Variants in HS3ST5 observed in about 807,000 individuals in gnomAD.
The protein encoded by HS3ST5 is heparan sulfate-glucosamine 3-sulfotransferase 5.
Under a neutral mutation model 25.4 loss-of-function variants are expected in HS3ST5, and 10 were observed. The ratio of observed to expected loss-of-function variants is 0.39; its 90% CI spans 0.24 to 0.67. The LOEUF (loss-of-function observed/expected upper bound fraction) is 0.67. Among genes scored for constraint, HS3ST5 ranks in the 30% least tolerant of loss-of-function variants. The pLI, the probability that HS3ST5 is intolerant of heterozygous loss-of-function variation, is 0.44. For missense variants in HS3ST5, 324 were observed against 420.7 expected (o/e 0.77, Z 2.01); for synonymous variants, 170 against 162.4 (o/e 1.05, Z -0.36).
At chr6:114,209,493 AGTATT>A (rs1781423863) in intron 2 of HS3ST5, among the ~76,000 whole-genome samples, 1 of 151,544 alleles carries the variant, frequency 6.6e-6, no homozygotes, top group Non-Finnish European at 1.5e-5. Flanking sequence ...TTTTCTATTG[AGTATT>A]GCTTATCTTC....
Position 114,057,770 on chromosome 6 carries a change from G to A in HS3ST5, c.528C>T (p.Ile176=), listed in dbSNP as rs778244737. 3.1e-6 allele frequency: 5 copies of A among 1,614,146 alleles called. No individual in the cohort carries two copies. The highest frequency in any genetic ancestry group is 4.2e-6 in the Non-Finnish European group (5 of 1,180,026). ...GCTCCCTGACAATGATCAACAACTT[G>A]ATGGATGAGTTCATTTTGTAAATCC... ...PERIYKMNSS[I]KLLIIVREPT... is the part of the protein sequence containing the mutation. The change falls in exon 5 of 5, where the codon ATC becomes ATT. Residue 176 remains isoleucine (I), a synonymous_variant. Coordinates refer to ENST00000312719, the MANE Select transcript of HS3ST5 (RefSeq NM_153612.4).
chr6:114,259,542 A>G, intron 1 of HS3ST5, among the ~76,000 whole-genome samples: 1 of 152,232 alleles, frequency 6.6e-6, no homozygotes, highest in East Asian at 1.9e-4. Context: ...AGCAAACGAG[A>G]GGACACGTGT....
intron 3 of HS3ST5, chr6:114,142,950 T>G (rs1229677998): frequency 6.6e-6 from 1 of 152,244 alleles, no homozygotes; most frequent in Non-Finnish European, 1.5e-5. Context: ...TGTTCAGGCT[T>G]TTGGAGAAGA....
chr6:114,205,139 C>A (rs1415218136), intron 2 of HS3ST5, among the ~76,000 whole-genome samples: 1 of 152,000 alleles, frequency 6.6e-6, no homozygotes, highest in Non-Finnish European at 1.5e-5. Context: ...ACGTAGAATT[C>A]GTGCAGATCC....
intron 2 of HS3ST5, among the ~76,000 whole-genome samples, chr6:114,228,023 T>A (rs1285890265): frequency 6.6e-6 from 1 of 152,120 alleles, no homozygotes; most frequent in Non-Finnish European, 1.5e-5. Flanking sequence ...CCTTATTTAT[T>A]CTTATGACTA....
At chr6:114,183,444 C>A (rs998741625) in intron 2 of HS3ST5, among the ~76,000 whole-genome samples, 5 of 152,160 alleles carry the variant, frequency 3.3e-5, no homozygotes, top group African/African-American at 1.2e-4. Flanking sequence ...ATCTATTAAA[C>A]CTCTTTCTTT....
At chr6:114,101,532 C>A (rs1396962234) in intron 3 of HS3ST5, among the ~76,000 whole-genome samples, 1 of 152,050 alleles carries the variant, frequency 6.6e-6, no homozygotes, top group Non-Finnish European at 1.5e-5. Context: ...AAAATATTTT[C>A]AATAAAGAAA....
chr6:114,098,284 C>T (rs603838), intron 3 of HS3ST5, among the ~76,000 whole-genome samples: 151,660 of 151,908 alleles, frequency 1, 75,707 homozygotes, highest in Non-Finnish European at 1. Flanking sequence ...AACCTTCAAC[C>T]TGGTAACTGA....
intron 1 of HS3ST5, among the ~76,000 whole-genome samples, chr6:114,250,859 A>G (rs1210862300): frequency 1.3e-5 from 2 of 152,234 alleles, no homozygotes; most frequent in Admixed American, 1.3e-4. Context: ...AAAAAATTTC[A>G]CTTGCTTACT....
intron 1 of HS3ST5, among the ~76,000 whole-genome samples, chr6:114,298,350 G>A (rs974480661): frequency 6.6e-6 from 1 of 152,160 alleles, no homozygotes; most frequent in Non-Finnish European, 1.5e-5. Flanking sequence ...ATTTTCCACA[G>A]ATACACTAAT....
intron 2 of HS3ST5, among the ~76,000 whole-genome samples, chr6:114,213,338 G>A (rs78132560): frequency 0.062 from 9,143 of 146,914 alleles, 381 homozygotes; most frequent in Non-Finnish European, 0.072. Context: ...ACAGGATGGC[G>A]GCGGGGGTGG....
At chr6:114,322,121 G>A (rs1254907584) in intron 1 of HS3ST5, among the ~76,000 whole-genome samples, 2 of 152,030 alleles carry the variant, frequency 1.3e-5, no homozygotes, top group African/African-American at 2.4e-5. Context: ...AGAATTTTTA[G>A]CCTTTCAGAA....
intron 3 of HS3ST5, among the ~76,000 whole-genome samples, chr6:114,150,508 G>A (rs1407490495): frequency 6.6e-6 from 1 of 152,182 alleles, no homozygotes; most frequent in African/African-American, 2.4e-5. Flanking sequence ...CCTTTACAGA[G>A]AAGAGAATCT....
chr6:114,181,379 C>T (rs559485166), intron 2 of HS3ST5, among the ~76,000 whole-genome samples: 1 of 152,182 alleles, frequency 6.6e-6, no homozygotes, highest in African/African-American at 2.4e-5. Flanking sequence ...AATATATTTT[C>T]CAATGGTCAT....
intron 3 of HS3ST5, among the ~76,000 whole-genome samples, chr6:114,127,360 G>A (rs1777093487): frequency 6.6e-6 from 1 of 152,102 alleles, no homozygotes; most frequent in Non-Finnish European, 1.5e-5. Context: ...ACTGTCAATG[G>A]TCAGTGCTAT....
At chr6:114,085,692 A>G (rs1368232474) in intron 3 of HS3ST5, among the ~76,000 whole-genome samples, 1 of 152,162 alleles carries the variant, frequency 6.6e-6, no homozygotes, top group Non-Finnish European at 1.5e-5. Context: ...TTGCTTACCA[A>G]TTGGGTGTTC....
At chr6:114,215,420 A>G (rs953061327) in intron 2 of HS3ST5, among the ~76,000 whole-genome samples, 7 of 152,062 alleles carry the variant, frequency 4.6e-5, no homozygotes, top group African/African-American at 1.7e-4. Flanking sequence ...TTCTCCCTAC[A>G]AGTGATTGAT....
At chr6:114,291,384 G>T (rs528717114) in intron 1 of HS3ST5, among the ~76,000 whole-genome samples, 1 of 151,876 alleles carries the variant, frequency 6.6e-6, no homozygotes, top group Non-Finnish European at 1.5e-5. Context: ...TTATGCACCC[G>T]CAAGTTATTA....
intron 2 of HS3ST5, among the ~76,000 whole-genome samples, chr6:114,176,163 C>T (rs1779714540): frequency 6.6e-6 from 1 of 150,772 alleles, no homozygotes; most frequent in Admixed American, 6.6e-5. Context: ...TCTCCCCACC[C>T]CCACCCCTTT....
Sources: allele counts gnomAD v4.1 joint callset (sites outside exome capture counted in the v4.1 genomes callset), GRCh38; gene constraint gnomAD v4.1.1; transcripts MANE v1.5; gene names NCBI Gene and HGNC (gene_info 2026-07-23, HGNC 2026-07-21).